The following NAV3 variants were observed in gnomAD, a reference collection of about 807,000 sequenced individuals.
The protein encoded by NAV3 is neuron navigator 3.
Under a neutral mutation model 244.7 loss-of-function variants are expected in NAV3, and 87 were observed. The ratio of observed to expected loss-of-function variants is 0.36; its 90% CI spans 0.30 to 0.42. The LOEUF is 0.42. Ranked by LOEUF, NAV3 falls within the 20% of genes least tolerant of loss-of-function variation. The pLI, the probability that NAV3 is intolerant of heterozygous loss-of-function variation, is 1.00. For missense variants in NAV3, 2,663 were observed against 2,893.3 expected (o/e 0.92, Z 1.83); for synonymous variants, 1,126 against 1,042.2 (o/e 1.08, Z -1.55).
chr12:77,811,194 A>G (rs985910566), intron 2 of NAV3, among the ~76,000 whole-genome samples: 6 of 151,760 alleles, frequency 4.0e-5, no homozygotes, highest in African/African-American at 1.2e-4. Flanking sequence ...TTCATCATCT[A>G]CTCCTATTGT....
At chr12:78,064,395 G>GTGTCTGTCTGTC (rs3054540) in intron 12 of NAV3, among the ~76,000 whole-genome samples, 56 of 140,050 alleles carry the variant, frequency 4.0e-4, no homozygotes, top group South Asian at 1.8e-3. Context: ...CTATCTATCT[G>GTGTCTGTCTGTC]TGTCTGTCTG....
At chr12:77,901,805 G>C (rs1190785593) in intron 1 of NAV3, among the ~76,000 whole-genome samples, 1 of 152,082 alleles carries the variant, frequency 6.6e-6, no homozygotes, top group Non-Finnish European at 1.5e-5. Flanking sequence ...GAGCTACTTT[G>C]GCTCCTCAAA....
rs947851523 is a variant in NAV3, at chr12:78,122,252, T to C, written c.4062T>C (p.Ser1354=). The C allele has an allele frequency of 6.2e-7, 1 of 1,614,172 alleles. No individual in the cohort carries two copies. Among genetic ancestry groups the C allele is most frequent in the Non-Finnish European group, 8.5e-7 (1 of 1,180,022 alleles). The change falls in exon 16 of 40, where the codon TCT becomes TCC. Residue 1354 remains serine (S), a synonymous_variant. Coordinates refer to ENST00000397909, the MANE Select transcript of NAV3 (RefSeq NM_001024383.2). Reference sequence around the variant, plus strand: ...GGGCTGCCAATATGAGCAGTTCCTCTGCAGGCAGCAAGGATACTCCGAGCT... The same window carrying C: ...GGGCTGCCAATATGAGCAGTTCCTCCGCAGGCAGCAAGGATACTCCGAGCT... ...LVWAANMSSS[S]AGSKDTPSYQ...
chr12:77,652,689 C>A (rs1163969818), intron 2 of NAV3, among the ~76,000 whole-genome samples: 1 of 152,114 alleles, frequency 6.6e-6, no homozygotes, highest in East Asian at 1.9e-4. Context: ...TGGAAAAGGA[C>A]AAAGGATAGA....
intron 22 of NAV3, among the ~76,000 whole-genome samples, chr12:78,156,889 C>T (rs1957326086): frequency 6.6e-6 from 1 of 152,012 alleles, no homozygotes; most frequent in Admixed American, 6.6e-5. Flanking sequence ...ATGCTACATA[C>T]CACATGGATG....
At chr12:77,575,162 A>G (rs1592465694) in intron 2 of NAV3, among the ~76,000 whole-genome samples, 1 of 151,906 alleles carries the variant, frequency 6.6e-6, no homozygotes, top group Non-Finnish European at 1.5e-5. Context: ...TCCCCTTACT[A>G]AATCTGAACA....
At position 77,670,333 on chromosome 12, in the gene NAV3, A is replaced by G. The variant is rs118021567; in HGVS notation, c.72+98067A>G. ...TTACCAACCAAAAAAGCCCAGAACTAGATGGATTTACAGCTGAATTCTATC... is the reference window on the plus strand; with the variant it reads ...TTACCAACCAAAAAAGCCCAGAACTGGATGGATTTACAGCTGAATTCTATC... On this transcript the variant is annotated intron_variant, in intron 2 of 8. Coordinates refer to the NAV3 transcript ENST00000550042. Among the ~76,000 whole-genome samples, 20 of 152,268 alleles carry G rather than the reference A, an allele frequency of 1.3e-4. No individual in the cohort carries two copies. The East Asian group carries it at 1.7e-3, about 13-fold the overall frequency.
intron 2 of NAV3, among the ~76,000 whole-genome samples, chr12:77,700,410 A>G (rs1875508787): frequency 6.6e-6 from 1 of 152,154 alleles, no homozygotes; most frequent in African/African-American, 2.4e-5. Context: ...TTAAAATTAA[A>G]GTTGTGTATG....
At chr12:77,813,973 T>G (rs1287008627) in intron 2 of NAV3, among the ~76,000 whole-genome samples, 6 of 152,170 alleles carry the variant, frequency 3.9e-5, no homozygotes, top group Admixed American at 3.9e-4. Flanking sequence ...CACAGAGTAG[T>G]GTCCCCATGT....
chr12:78,179,840 T>C (rs900103094), intron 29 of NAV3, among the ~76,000 whole-genome samples, 158 bp downstream of exon 29: 1 of 152,144 alleles, frequency 6.6e-6, no homozygotes, highest in African/African-American at 2.4e-5. Context: ...TAGTACTGAA[T>C]TGAGAATTTT....
At chr12:77,887,859 CA>C (rs1883470847) in intron 1 of NAV3, among the ~76,000 whole-genome samples, 2 of 151,840 alleles carry the variant, frequency 1.3e-5, no homozygotes, top group African/African-American at 4.8e-5. Context: ...TCCAACAAAG[CA>C]ATAAAATTGA....
chr12:77,823,986 C>A (rs1303163209), intron 2 of NAV3, among the ~76,000 whole-genome samples: 3 of 152,038 alleles, frequency 2.0e-5, no homozygotes, highest in Non-Finnish European at 2.9e-5. Flanking sequence ...ATACATGAGA[C>A]AGGATTACAA....
At chr12:77,598,368 G>A (rs1783459083) in intron 2 of NAV3, among the ~76,000 whole-genome samples, 1 of 151,976 alleles carries the variant, frequency 6.6e-6, no homozygotes, top group Non-Finnish European at 1.5e-5. Context: ...GTCCAGTAAT[G>A]TATCATACCA....
chr12:77,618,389 A>C (rs1460785908), intron 2 of NAV3, among the ~76,000 whole-genome samples: 5 of 152,236 alleles, frequency 3.3e-5, no homozygotes, highest in Non-Finnish European at 7.3e-5. Context: ...GCACTACTAA[A>C]ACACAAGCAA....
intron 5 of NAV3, among the ~76,000 whole-genome samples, chr12:77,975,764 A>T (rs559425781): frequency 6.6e-6 from 1 of 152,218 alleles, no homozygotes; most frequent in East Asian, 1.9e-4. Context: ...CCCTGTTGCC[A>T]TTGTAAAGAC....
chr12:77,854,105 T>C (rs962010042), intron 1 of NAV3, among the ~76,000 whole-genome samples: 1 of 152,182 alleles, frequency 6.6e-6, no homozygotes, highest in African/African-American at 2.4e-5. Context: ...CCACACACAA[T>C]ATGAATTTCA....
At chr12:77,822,094 C>T (rs111494138) in intron 2 of NAV3, among the ~76,000 whole-genome samples, 53 of 152,166 alleles carry the variant, frequency 3.5e-4, no homozygotes, top group African/African-American at 1.2e-3. Flanking sequence ...AAGCTGACTA[C>T]ATTTGCTTTT....
chr12:77,789,497 C>T (rs912190007), intron 2 of NAV3, among the ~76,000 whole-genome samples: 15 of 109,422 alleles, frequency 1.4e-4, no homozygotes, highest in African/African-American at 3.4e-4. Flanking sequence ...CACTAATGAT[C>T]GCTAATGAGC....
chr12:78,068,355 T>A (rs1258978069), intron 12 of NAV3, among the ~76,000 whole-genome samples: 1 of 151,342 alleles, frequency 6.6e-6, no homozygotes, highest in African/African-American at 2.4e-5. Flanking sequence ...TTTGACTTCA[T>A]AAATTATTTA....
Sources: gnomAD v4.1 joint callset for allele counts (sites outside exome capture counted in the v4.1 genomes callset) on GRCh38, gnomAD v4.1.1 for gene constraint, MANE v1.5 for transcripts, NCBI Gene and HGNC (gene_info 2026-07-23, HGNC 2026-07-21) for gene names.